Variants in NUP93 observed in about 807,000 individuals in gnomAD.
The protein encoded by NUP93 is nuclear pore complex protein Nup93.
In NUP93, 55 loss-of-function variants were observed where a neutral mutation model predicts 107.8. The observed-to-expected ratio is 0.51, with a 90% confidence interval of 0.41 to 0.64. The LOEUF is 0.64. Ranked by LOEUF, NUP93 falls within the 30% of genes least tolerant of loss-of-function variation. The pLI is 0.00. For synonymous variants in NUP93, 390 were observed against 397.5 expected (o/e 0.98, Z 0.22); for missense variants, 937 against 1,044.7 (o/e 0.90, Z 1.42).
intron 3 of NUP93, among the ~76,000 whole-genome samples, chr16:56,778,548 A>G (rs1169195164): frequency 6.6e-6 from 1 of 152,200 alleles, no homozygotes; most frequent in African/African-American, 2.4e-5. Context: ...GCCAGGACCA[A>G]TGTGGTAGCT....
intron 14 of NUP93, 54 bp downstream of exon 14, chr16:56,834,308 G>T: frequency 6.2e-7 from 1 of 1,613,250 alleles, no homozygotes; most frequent in Non-Finnish European, 8.5e-7. Flanking sequence ...CTGCCATTCT[G>T]AGAATGACTA....
rs749091202 is a variant in NUP93, at chr16:56,838,973, C to T, written c.2040C>T (p.Ser680=). ...IAERYRAQGI[S]ANKFVDSTFY... Reference sequence around the variant, plus strand: ...TCAGGTATAGGGCTCAAGGAATAAGCGCAAATAAATTTGTGGACTCCACGT... The same window carrying T: ...TCAGGTATAGGGCTCAAGGAATAAGTGCAAATAAATTTGTGGACTCCACGT... Residue 680 remains serine, a synonymous_variant, in exon 19 of 22, where the codon AGC becomes AGT. Transcript: ENST00000308159. 15 of 1,613,762 alleles carry T rather than the reference C, an allele frequency of 9.3e-6. No individual in the cohort carries two copies. Among genetic ancestry groups the T allele is most frequent in the Admixed American group, 3.3e-5 (2 of 59,952 alleles).
intron 1 of NUP93, among the ~76,000 whole-genome samples, chr16:56,743,276 T>C (rs1390192776): frequency 2.0e-5 from 3 of 152,236 alleles, no homozygotes; most frequent in African/African-American, 7.2e-5. Context: ...GAATTTTCTT[T>C]CCACCTCATT....
intron 7 of NUP93, among the ~76,000 whole-genome samples, chr16:56,823,293 C>T (rs1224299689): frequency 6.6e-6 from 1 of 152,182 alleles, no homozygotes; most frequent in Non-Finnish European, 1.5e-5. Context: ...CCTTTAGAAA[C>T]TCAGATAACC....
intron 3 of NUP93, among the ~76,000 whole-genome samples, chr16:56,796,678 C>A (rs757786460): frequency 4.6e-5 from 7 of 152,164 alleles, no homozygotes; most frequent in Non-Finnish European, 1.0e-4. Context: ...CCCACAGTTT[C>A]TTTAAAAAGC....
intron 4 of NUP93, among the ~76,000 whole-genome samples, chr16:56,803,008 A>C (rs1363564755): frequency 1.4e-5 from 2 of 137,996 alleles, no homozygotes; most frequent in Non-Finnish European, 3.0e-5. Flanking sequence ...TTTCCTTCTG[A>C]ATGCCTTTAT....
At position 56,794,927 on chromosome 16, in the gene NUP93, CAAAAAAAAAAAAAAAA is replaced by C. The variant is rs747651772; in HGVS notation, c.298-3532_298-3517del. Among the ~76,000 whole-genome samples the C allele has an allele frequency of 5.4e-4, 39 of 71,944 alleles. 1 individual carries two copies. Among genetic ancestry groups the C allele is most frequent in the African/African-American group, 2.2e-3 (38 of 17,064 alleles). The allele number at this position is 71,944 out of a possible 152,430, so 47.2% of individuals were successfully genotyped here. Reference sequence around the variant, plus strand: ...TGGGCGACAGAGCGAGACTCTGTCTCAAAAAAAAAAAAAAAAAAAAAAAAAAAAAAAAGAATTGGAT... The same window carrying C: ...TGGGCGACAGAGCGAGACTCTGTCTCAAAAAAAAAAAAAAAAGAATTGGAT... On this transcript the variant is annotated intron_variant, in intron 3 of 21. Coordinates refer to ENST00000308159, the MANE Select transcript of NUP93 (RefSeq NM_014669.5).
At chr16:56,822,709 T>C (rs1196265071) in intron 7 of NUP93, among the ~76,000 whole-genome samples, 1 of 151,748 alleles carries the variant, frequency 6.6e-6, no homozygotes, top group Non-Finnish European at 1.5e-5. Flanking sequence ...TACAGGCACC[T>C]GCCACCATGC....
chr16:56,808,215 A>ACG (rs1963202711), intron 5 of NUP93, among the ~76,000 whole-genome samples: 1 of 113,730 alleles, frequency 8.8e-6, no homozygotes, highest in East Asian at 2.6e-4. Flanking sequence ...ATATATAGTT[A>ACG]TGTAACTATA....
intron 16 of NUP93, among the ~76,000 whole-genome samples, chr16:56,835,672 A>G (rs1034011095): frequency 6.6e-6 from 1 of 152,224 alleles, no homozygotes; most frequent in Non-Finnish European, 1.5e-5. Context: ...AGCCACCTTG[A>G]CCTGGTCTAG....
intron 2 of NUP93, among the ~76,000 whole-genome samples, chr16:56,753,513 A>G (rs1368720359): frequency 6.6e-6 from 1 of 152,194 alleles, no homozygotes; most frequent in African/African-American, 2.4e-5. Context: ...ATCAGCATCA[A>G]CCATGAGCTT....
intron 8 of NUP93, among the ~76,000 whole-genome samples, 191 bp downstream of exon 8, chr16:56,824,037 C>G (rs1383938354): frequency 6.6e-6 from 1 of 152,174 alleles, no homozygotes; most frequent in South Asian, 2.1e-4. Flanking sequence ...AGGACTGTTT[C>G]TGCAGTGGTA....
At chr16:56,787,908 A>T (rs1962664618) in intron 3 of NUP93, among the ~76,000 whole-genome samples, 1 of 151,910 alleles carries the variant, frequency 6.6e-6, no homozygotes. Context: ...TATTTTTTAG[A>T]TCTATTTATA....
chr16:56,817,385 T>C (rs1478141500), intron 5 of NUP93, among the ~76,000 whole-genome samples: 1 of 152,198 alleles, frequency 6.6e-6, no homozygotes, highest in Non-Finnish European at 1.5e-5. Context: ...ACTCTTCCTT[T>C]TACCAGCTTC....
At chr16:56,807,881 G>A (rs534486583) in intron 5 of NUP93, among the ~76,000 whole-genome samples, 23 of 151,516 alleles carry the variant, frequency 1.5e-4, no homozygotes, top group African/African-American at 5.6e-4. Flanking sequence ...AATTAGCTGG[G>A]CCTGGTGGCG....
rs186738016 is a variant in NUP93 at position 56,786,881 on chromosome 16, G to A, written c.298-11595G>A. 1.3e-3 allele frequency among the ~76,000 whole-genome samples: 199 copies of A among 152,320 alleles called. 1 individual carries two copies. Among genetic ancestry groups the A allele is most frequent in the African/African-American group, 4.6e-3 (192 of 41,566 alleles). The stretch of plus-strand genomic sequence containing the variant: ...TGAGCTAGGTGAAAGGTTTTAGCTC[G>A]CTGTCAGTTTCAGGCAATTTGTATT... On this transcript the variant is annotated intron_variant, in intron 3 of 21. Coordinates refer to ENST00000308159, the MANE Select transcript of NUP93 (RefSeq NM_014669.5).
chr16:56,825,170 C>CCTCAGCCT (rs1202848812), intron 8 of NUP93, among the ~76,000 whole-genome samples: 1 of 151,116 alleles, frequency 6.6e-6, no homozygotes, highest in African/African-American at 2.4e-5. Flanking sequence ...AGTCCTCCCA[C>CCTCAGCCT]CTCAGCCTCC....
At chr16:56,755,382 T>G (rs1386274225) in intron 2 of NUP93, among the ~76,000 whole-genome samples, 3 of 151,402 alleles carry the variant, frequency 2.0e-5, no homozygotes, top group African/African-American at 7.3e-5. Flanking sequence ...GTATATTGTG[T>G]GATTGCATTT....
chr16:56,739,557 G>A (rs1227079523), intron 1 of NUP93, among the ~76,000 whole-genome samples: 2 of 109,352 alleles, frequency 1.8e-5, no homozygotes, highest in Admixed American at 1.7e-4. Flanking sequence ...CGGACGGGGC[G>A]GCTGGCCGGG....
Sources: allele counts gnomAD v4.1 joint callset (sites outside exome capture counted in the v4.1 genomes callset), GRCh38; gene constraint gnomAD v4.1.1; transcripts MANE v1.5; gene names NCBI Gene and HGNC (gene_info 2026-07-23, HGNC 2026-07-21).